Variants in TTC34 observed in about 807,000 individuals in gnomAD.
TTC34 encodes the protein tetratricopeptide repeat domain 34, also known as tetratricopeptide repeat protein 34.
TTC34 carries 44 observed loss-of-function variants against 40.7 expected under a neutral mutation model. That is an observed-to-expected ratio of 1.08 (90% CI 0.85 to 1.39). The LOEUF is 1.39. TTC34 is among the 40% of genes most tolerant of loss of function. The pLI, the probability that TTC34 is intolerant of heterozygous loss-of-function variation, is 0.00. For synonymous variants in TTC34, 422 were observed against 398.6 expected (o/e 1.06, Z -0.70); for missense variants, 884 against 838.0 (o/e 1.05, Z -0.68).
chr1:2,641,298 CT>C (rs1259283548), exon 9 of TTC34: 4 of 1,437,644 alleles, frequency 2.8e-6, no homozygotes, highest in Non-Finnish European at 3.7e-6. Context: ...GGGTACACCC[CT>C]GGGCCTGGAC....
intron 6 of TTC34, among the ~76,000 whole-genome samples, chr1:2,674,691 C>A (rs1244506750): frequency 1.4e-5 from 1 of 73,304 alleles, no homozygotes; most frequent in East Asian, 3.2e-4. Flanking sequence ...CCCAGGTGAG[C>A]ATCTGACAGC....
Position 2,776,227 on chromosome 1 carries a change from C to G in TTC34, c.2226+7382G>C, listed in dbSNP as rs900950124. ...ACACAGCCAGGTGAGCAGCTGAAAG[C>G]CTGGAATGGTAACCCACATGCAGGT... On this transcript the variant is annotated intron_variant, in intron 6 of 8. Coordinates refer to ENST00000401095, the Ensembl canonical transcript of TTC34. 9 of 101,288 alleles carry G rather than the reference C, an allele frequency of 8.9e-5. 1 individual carries two copies. Among genetic ancestry groups the G allele is most frequent in the Non-Finnish European group, 1.5e-4 (8 of 54,706 alleles). 6.3% of individuals were successfully genotyped at this position (101,288 alleles called of 1,614,324 possible).
chr1:2,685,168 A>G (rs1242861671), intron 6 of TTC34, among the ~76,000 whole-genome samples: 4 of 141,700 alleles, frequency 2.8e-5, no homozygotes, highest in Admixed American at 1.4e-4. Context: ...ACCCCACGTG[A>G]GCATCTGACT....
intron 6 of TTC34, among the ~76,000 whole-genome samples, chr1:2,779,442 G>T (rs1002033935): frequency 3.3e-5 from 5 of 152,114 alleles, no homozygotes; most frequent in African/African-American, 1.2e-4. Flanking sequence ...TCCTGCCTCA[G>T]CCTCCCGAGT....
chr1:2,645,580 C>CGGGG lies in TTC34; in HGVS notation c.2227-18_2227-17insCCCC. ...CACGGCTTCCTGCAAGGAGGGAGGGCGGGCGGGTGCAGAGTTGTCCTAAGT... is the reference window on the plus strand; with the variant it reads ...CACGGCTTCCTGCAAGGAGGGAGGGCGGGGGGGCGGGTGCAGAGTTGTCCTAAGT... On this transcript the variant is annotated splice_polypyrimidine_tract_variant and intron_variant, in intron 6 of 8. Transcript: ENST00000401095. The surrounding 1 kb of genome is among the most constrained non-coding windows in gnomAD (Gnocchi z 4.7). 4.0e-5 allele frequency: 1 copy of CGGGG among 24,736 alleles called. No individual in the cohort carries two copies. The highest frequency in any genetic ancestry group is 7.3e-5 in the Non-Finnish European group (1 of 13,606). The allele number at this position is 24,736 out of a possible 1,614,324, so 1.5% of individuals were successfully genotyped here.
rs1277824377 is a variant in TTC34 at position 2,775,604 on chromosome 1, T to C, written c.2226+8005A>G. The C allele has an allele frequency of 1.7e-4, 26 of 148,710 alleles. 1 individual carries two copies. The highest frequency in any genetic ancestry group is 1.7e-3 in the Admixed American group (26 of 15,140). 9.2% of individuals were successfully genotyped at this position (148,710 alleles called of 1,614,324 possible). The stretch of plus-strand genomic sequence containing the variant: ...GGACAGCACCCCCACTCACAGGTGA[T>C]GTGACTGCGTGGAACAGCACATCCC... On this transcript the variant is annotated intron_variant, in intron 6 of 8. Coordinates refer to ENST00000401095, the Ensembl canonical transcript of TTC34.
chr1:2,754,137 C>A (rs1358430142), intron 6 of TTC34, among the ~76,000 whole-genome samples: 3 of 28,066 alleles, frequency 1.1e-4, no homozygotes, highest in Non-Finnish European at 1.1e-4. Flanking sequence ...CGCACCCACA[C>A]CCCCAGGTGC....
At chr1:2,696,052 G>A (rs1179492133) in intron 6 of TTC34, among the ~76,000 whole-genome samples, 2 of 146,324 alleles carry the variant, frequency 1.4e-5, no homozygotes, top group African/African-American at 5.1e-5. Flanking sequence ...GTGAGCCTCT[G>A]ACAGCCTGGA....
At chr1:2,751,368 C>A (rs1327831338) in intron 6 of TTC34, among the ~76,000 whole-genome samples, 405 of 134,494 alleles carry the variant, frequency 3.0e-3, no homozygotes, top group Middle Eastern at 0.012. Flanking sequence ...CACCCACACC[C>A]CCAGGTGCGC....
chr1:2,683,436 C>A (rs1470216751), intron 6 of TTC34, among the ~76,000 whole-genome samples: 6 of 144,052 alleles, frequency 4.2e-5, no homozygotes, highest in South Asian at 2.1e-4. Flanking sequence ...CCTTCACCCC[C>A]AGGTGAGCAT....
At position 2,645,381 on chromosome 1, in the gene TTC34, G is replaced by A. The variant is rs1557580202; in HGVS notation, c.2409C>T (p.Gly803=). The change falls in exon 7 of 9, where the codon GGC becomes GGT. Residue 803 remains glycine, a synonymous_variant. Transcript: ENST00000401095. This position sits in a 1 kb window ranked among gnomAD's most constrained non-coding sequence, Gnocchi z 4.7. ...TCAGCGCCTCCCCCACAGCAAGGAGGCCCTGGGTGTCCTTGTCCTCGAGAG... is the reference window on the plus strand; with the variant it reads ...TCAGCGCCTCCCCCACAGCAAGGAGACCCTGGGTGTCCTTGTCCTCGAGAG... 1 of 1,535,382 alleles carries A rather than the reference G, an allele frequency of 6.5e-7. No homozygotes were observed. The highest frequency in any genetic ancestry group is 2.0e-5 in the Admixed American group (1 of 50,890).
In TTC34 at chr1:2,683,634, C is replaced by A. The variant is rs1422079069; in HGVS notation, c.2227-38071G>T. Among the ~76,000 whole-genome samples, 8 of 150,108 alleles carry A rather than the reference C, an allele frequency of 5.3e-5. 1 individual carries two copies. Among genetic ancestry groups the A allele is most frequent in the African/African-American group, 2.0e-4 (8 of 39,624 alleles). Reference sequence around the variant, plus strand: ...GACATCCTTCAGCAGCACCCACACCCCCAGGTGAGCATCTGACAGCCTGGA... The same window carrying A: ...GACATCCTTCAGCAGCACCCACACCACCAGGTGAGCATCTGACAGCCTGGA... On this transcript the variant is annotated intron_variant, in intron 6 of 8. Coordinates refer to ENST00000401095, the Ensembl canonical transcript of TTC34.
chr1:2,754,833 C>A (rs1229935110), intron 6 of TTC34, among the ~76,000 whole-genome samples: 10,047 of 92,542 alleles, frequency 0.11, 1 homozygote, highest in South Asian at 0.19. Context: ...AGGTGAGCAT[C>A]TGACAGACTG....
chr1:2,767,682 C>T (rs1461326582), intron 6 of TTC34, among the ~76,000 whole-genome samples: 4 of 126,288 alleles, frequency 3.2e-5, no homozygotes, highest in Non-Finnish European at 5.0e-5. Context: ...CAGAATTCTC[C>T]AACCCCAGGT....
intron 6 of TTC34, among the ~76,000 whole-genome samples, chr1:2,695,797 C>G (rs1237407395): frequency 2.3e-4 from 35 of 151,830 alleles, no homozygotes; most frequent in Admixed American, 1.9e-3. Context: ...CACGCACACC[C>G]CCAGTTGAGC....
intron 6 of TTC34, among the ~76,000 whole-genome samples, chr1:2,699,453 C>T (rs1641026011): frequency 8.7e-6 from 1 of 115,274 alleles, no homozygotes; most frequent in Non-Finnish European, 2.0e-5. Context: ...TCACCCCGCA[C>T]CCACAGGCGA....
chr1:2,648,005 GTT>G (rs57209476), intron 6 of TTC34, among the ~76,000 whole-genome samples: 72 of 145,370 alleles, frequency 5.0e-4, no homozygotes, highest in African/African-American at 5.5e-4. Flanking sequence ...GATTATTACT[GTT>G]TTTTTTTTTT....
chr1:2,749,567 C>A (rs1641251619), intron 6 of TTC34, among the ~76,000 whole-genome samples: 1 of 96,488 alleles, frequency 1.0e-5, no homozygotes, highest in Non-Finnish European at 1.9e-5. Context: ...CCCACACCCC[C>A]AGGCGAGCAT....
At chr1:2,749,678 C>G (rs1253471064) in intron 6 of TTC34, among the ~76,000 whole-genome samples, 2 of 92,900 alleles carry the variant, frequency 2.2e-5, no homozygotes, top group East Asian at 3.6e-4. Flanking sequence ...GGAGCAGCAA[C>G]CTGCACACCC....
Sources: gnomAD v4.1 joint callset for allele counts (sites outside exome capture counted in the v4.1 genomes callset) on GRCh38, gnomAD v4.1.1 for gene constraint, Gnocchi (gnomAD v3.1) non-coding constraint, MANE v1.5 for transcripts, NCBI Gene and HGNC (gene_info 2026-07-23, HGNC 2026-07-21) for gene names.